The following PCLO variants were observed in gnomAD, a reference collection of about 807,000 sequenced individuals.
PCLO encodes piccolo presynaptic cytomatrix protein.
A neutral mutation model predicts 427.5 loss-of-function variants in PCLO; 82 were observed. The observed-to-expected ratio is 0.19, with a 90% CI of 0.16 to 0.23. The LOEUF (loss-of-function observed/expected upper bound fraction) is 0.23, where lower values mean the gene tolerates loss of function less well. Among genes scored for constraint, PCLO ranks in the 10% least tolerant of loss-of-function variants. PCLO has a pLI of 1.00. For synonymous variants in PCLO, 2,357 were observed against 2,155.4 expected (o/e 1.09, Z -2.59); for missense variants, 6,239 against 6,115.9 (o/e 1.02, Z -0.67).
chr7:83,073,784 A>G lies in PCLO; in HGVS notation c.3300+60466T>C, dbSNP rs146455652. Among the ~76,000 whole-genome samples, 1,285 of 151,288 alleles carry G rather than the reference A, an allele frequency of 8.5e-3. 12 individuals are homozygous for G. Among genetic ancestry groups the G allele is most frequent in the Non-Finnish European group, 0.014 (928 of 67,656 alleles). ...GCTATTAAAAACTATTTTAACATAAATTTTTTTAATTTTTAGTAAATATTT... is the reference window on the plus strand; with the variant it reads ...GCTATTAAAAACTATTTTAACATAAGTTTTTTTAATTTTTAGTAAATATTT... On this transcript the variant is annotated intron_variant, in intron 3 of 24. Coordinates refer to ENST00000333891, the MANE Select transcript of PCLO (RefSeq NM_033026.6).
rs1330828867 is a variant in PCLO, at chr7:82,950,800, A to C, written c.9788T>G (p.Met3263Arg). 6.2e-7 allele frequency: 1 copy of C among 1,613,784 alleles called. No individual in the cohort carries two copies. Among genetic ancestry groups the C allele is most frequent in the Admixed American group, 1.7e-5 (1 of 60,000 alleles). Residue 3263 changes from methionine (M) to arginine (R), a missense_variant, in exon 6 of 25, where the codon ATG becomes AGG. Met to Arg is a moderately conservative substitution (Grantham distance 91). Transcript: ENST00000333891. ...TTGCTGAAAGAGAAGGTGTTGCTTC[A>C]TAGACTGCAGCTCCTCCAACTTTTT... ...VQKKLEELQSMKQHLLFQQEE... is the reference protein window; with the variant it reads ...VQKKLEELQSRKQHLLFQQEE...
In PCLO at chr7:82,846,619, T is replaced by G. The variant is rs369443105; in HGVS notation, c.13779A>C (p.Leu4593=). ...EICVRLDLNM[L]SDSENSQHLE... The stretch of plus-strand genomic sequence containing the variant: ...GATGCTGGGAATTTTCAGAATCTGA[T>G]AGCATATTGAGGTCCCTAAAAATTA... Residue 4593 remains leucine (L), a synonymous_variant, in exon 12 of 25, where the codon CTA becomes CTC. Transcript: ENST00000333891. 1 of 1,605,676 alleles carries G rather than the reference T, an allele frequency of 6.2e-7. No individual in the cohort carries two copies. Among genetic ancestry groups the G allele is most frequent in the Non-Finnish European group, 8.5e-7 (1 of 1,174,942 alleles).
In PCLO at chr7:82,951,334, G is replaced by C; in HGVS notation, c.9254C>G (p.Ser3085Cys). ...QYCVGSVLRS[S>C]NGVVYSSVAT... ...TACTGAAGAATAGACAACACCATTA[G>C]ATGACCTCAAAACACTCCCCACACA... The change falls in exon 6 of 25, where the codon TCT (serine) becomes TGT (cysteine). Residue 3085 changes from serine to cysteine, a missense_variant. This residue lies in a region of PCLO where 4,677 missense variants were observed against 4,468.4 expected (regional missense o/e 1.05). Transcript: ENST00000333891. 6.2e-7 allele frequency: 1 copy of C among 1,610,712 alleles called. No homozygotes were observed. Among genetic ancestry groups the C allele is most frequent in the East Asian group, 2.2e-5 (1 of 44,746 alleles).
chr7:83,158,255 T>G (rs548067741), intron 1 of PCLO, among the ~76,000 whole-genome samples: 1 of 152,202 alleles, frequency 6.6e-6, no homozygotes, highest in African/African-American at 2.4e-5. Context: ...TTAATTCCAA[T>G]AGTTCCAAGC....
chr7:83,015,403 G>A (rs932169805), intron 3 of PCLO, among the ~76,000 whole-genome samples: 2 of 151,622 alleles, frequency 1.3e-5, no homozygotes, highest in African/African-American at 4.8e-5. Context: ...CACTACATGA[G>A]ATTTCTTTTC....
rs761542917 is a variant in PCLO, at chr7:82,966,086, T to C, written c.3702A>G (p.Pro1234=). 2 of 1,611,462 alleles carry C rather than the reference T, an allele frequency of 1.2e-6. No individual in the cohort carries two copies. Among genetic ancestry groups the C allele is most frequent in the Non-Finnish European group, 1.7e-6 (2 of 1,179,410 alleles). Residue 1234 remains proline, a synonymous_variant, in exon 4 of 25, where the codon CCA becomes CCG. Transcript: ENST00000333891. ...EEKIRSEEKK[P]LLEEKKPTPE... is the part of the protein sequence containing the mutation. ...GGGTTGGCTTTTTTTCTTCTAGGAG[T>C]GGCTTTTTTTCTTCAGAACGTATCT... is the stretch of plus-strand genomic sequence containing the variant.
chr7:82,919,739 T>C (rs984435430), intron 6 of PCLO, among the ~76,000 whole-genome samples: 3 of 152,010 alleles, frequency 2.0e-5, no homozygotes, highest in African/African-American at 7.2e-5. Context: ...ATTAGCGTTT[T>C]CTGCCATCTT....
chr7:82,895,685 T>C (rs897234089), intron 9 of PCLO, among the ~76,000 whole-genome samples: 22 of 151,944 alleles, frequency 1.4e-4, no homozygotes, highest in Non-Finnish European at 3.2e-4. Flanking sequence ...GATGAATACA[T>C]TTGTGACAAT....
rs569135985 is a variant in PCLO at position 83,124,880 on chromosome 7, G to A, written c.3300+9370C>T. Among the ~76,000 whole-genome samples the A allele has an allele frequency of 3.3e-5, 5 of 152,154 alleles. No homozygotes were observed. The East Asian group carries it at 5.8e-4, about 18-fold the overall frequency. On this transcript the variant is annotated intron_variant, in intron 3 of 24. Transcript: ENST00000333891. ...CCTGATTCTCCTGCCTCAGCCTGCC[G>A]AGTGCCTGGGATTGCAGGCGCACGC... is the stretch of plus-strand genomic sequence containing the variant.
At chr7:82,974,728 C>T (rs577717508) in intron 3 of PCLO, among the ~76,000 whole-genome samples, 1 of 152,004 alleles carries the variant, frequency 6.6e-6, no homozygotes, top group Non-Finnish European at 1.5e-5. Context: ...AAAATGTAAT[C>T]AGTTCTCATC....
chr7:82,809,742 T>A (rs1791529895), intron 20 of PCLO, among the ~76,000 whole-genome samples: 1 of 151,682 alleles, frequency 6.6e-6, no homozygotes, highest in African/African-American at 2.4e-5. Context: ...GTCCACTTGA[T>A]ATGGAAGCTT....
Position 83,155,132 on chromosome 7 carries a change from C to A in PCLO, c.1509G>T (p.Gln503His). The A allele has an allele frequency of 1.3e-6, 2 of 1,494,158 alleles. No individual in the cohort carries two copies. The highest frequency in any genetic ancestry group is 9.0e-7 in the Non-Finnish European group (1 of 1,107,992). The allele number at this position is 1,494,158 out of a possible 1,614,324, so 92.6% of individuals were successfully genotyped here. Reference sequence around the variant, plus strand: ...GAGGTGGGGGTTTTGTTGAGCCAGGCTGTTGAGATGGGGGCTTTGCTGAGC... The same window carrying A: ...GAGGTGGGGGTTTTGTTGAGCCAGGATGTTGAGATGGGGGCTTTGCTGAGC... ...QPGSAKPPSQ[Q>H]PGSTKPPPQQ... is the part of the protein sequence containing the mutation. Residue 503 changes from glutamine to histidine, a missense_variant, in exon 2 of 25, where the codon CAG becomes CAT. Physicochemically the swap from Gln to His is conservative, Grantham distance 24. Transcript: ENST00000333891.
At chr7:83,157,665 T>C (rs1792335403) in intron 1 of PCLO, among the ~76,000 whole-genome samples, 2 of 151,984 alleles carry the variant, frequency 1.3e-5, no homozygotes, top group East Asian at 3.9e-4. Flanking sequence ...TAATTCATAC[T>C]TTAACTTTTA....
At chr7:83,153,716 C>T (rs1792195845) in intron 2 of PCLO, among the ~76,000 whole-genome samples, 1 of 151,990 alleles carries the variant, frequency 6.6e-6, no homozygotes, top group East Asian at 1.9e-4. Flanking sequence ...CTCTTAGAGC[C>T]TAAACCTCTT....
intron 3 of PCLO, among the ~76,000 whole-genome samples, chr7:83,036,177 C>G (rs924406971): frequency 9.2e-5 from 14 of 152,136 alleles, no homozygotes; most frequent in African/African-American, 3.4e-4. Context: ...TCAAATCTTA[C>G]AAAACACCTT....
intron 2 of PCLO, among the ~76,000 whole-genome samples, chr7:83,144,613 A>G (rs1327005749): frequency 6.6e-6 from 1 of 152,194 alleles, no homozygotes; most frequent in Non-Finnish European, 1.5e-5. Flanking sequence ...TCATTTTAAA[A>G]TTATGATTAA....
chr7:82,758,779 A>C (rs1419087179), intron 24 of PCLO, 64 bp from the exon 25 acceptor site: 1 of 989,816 alleles, frequency 1.0e-6, no homozygotes, highest in East Asian at 2.6e-5. Flanking sequence ...TATAGTTTTC[A>C]ACCTTTTTTA....
chr7:83,097,597 T>C (rs374591099), intron 3 of PCLO, among the ~76,000 whole-genome samples: 3 of 146,314 alleles, frequency 2.1e-5, no homozygotes, highest in South Asian at 2.1e-4. Context: ...GTTAAAGGGC[T>C]TACTCCTCTG....
intron 3 of PCLO, among the ~76,000 whole-genome samples, chr7:83,127,723 A>C (rs532563324): frequency 2.4e-4 from 36 of 152,166 alleles, no homozygotes; most frequent in Non-Finnish European, 4.6e-4. Flanking sequence ...GAGATAGTAT[A>C]AACAGACTCA....
Sources: gnomAD v4.1 joint callset for allele counts (sites outside exome capture counted in the v4.1 genomes callset) on GRCh38, gnomAD v4.1.1 for gene constraint, gnomAD v4.1.1 regional missense constraint, MANE v1.5 for transcripts, NCBI Gene and HGNC (gene_info 2026-07-23, HGNC 2026-07-21) for gene names.